SYT16: variants seen among roughly 807,000 people sequenced by gnomAD.
SYT16 encodes the protein synaptotagmin 16, also known as synaptotagmin-16.
Under a neutral mutation model 61.4 loss-of-function variants are expected in SYT16, and 42 were observed. That is an observed-to-expected ratio of 0.68 (90% CI 0.53 to 0.89). The LOEUF (loss-of-function observed/expected upper bound fraction) is 0.89. Ranked by LOEUF, SYT16 falls within the 40% of genes least tolerant of loss-of-function variation. The pLI is 0.00. For missense variants in SYT16, 804 were observed against 807.3 expected, an observed-to-expected ratio of 1.00 and a Z score of 0.05; for synonymous variants, 314 against 302.3, an observed-to-expected ratio of 1.04 and a Z score of -0.40.
chr14:61,878,564 A>G (rs2047585489), intron 1 of SYT16, among the ~76,000 whole-genome samples: 2 of 152,208 alleles, frequency 1.3e-5, no homozygotes, highest in Admixed American at 6.5e-5. Flanking sequence ...CATCTCTCAC[A>G]CTGGCTTGCC....
At chr14:62,075,473 A>C in intron 5 of SYT16, 82 bp downstream of exon 5, 10 of 1,396,006 alleles carry the variant, frequency 7.2e-6, no homozygotes, top group Non-Finnish European at 8.5e-6. Context: ...CTCTCTAAAA[A>C]AAAAAAAAAA....
intron 1 of SYT16, among the ~76,000 whole-genome samples, chr14:61,885,615 C>G (rs1297022965): frequency 6.6e-6 from 1 of 152,142 alleles, no homozygotes; most frequent in Non-Finnish European, 1.5e-5. Flanking sequence ...GAATGTCTTA[C>G]TTGATAGATA....
intron 3 of SYT16, among the ~76,000 whole-genome samples, chr14:62,053,756 A>G (rs541850203): frequency 5.3e-5 from 8 of 152,358 alleles, no homozygotes; most frequent in East Asian, 3.9e-4. Context: ...TAAGAAAATA[A>G]TAGAAGGTAA....
At chr14:62,011,618 G>C (rs1471621025) in intron 3 of SYT16, among the ~76,000 whole-genome samples, 1 of 152,002 alleles carries the variant, frequency 6.6e-6, no homozygotes, top group East Asian at 1.9e-4. Context: ...GTGATTTACT[G>C]AAGAAAATGA....
chr14:61,824,324 T>C (rs2140222575), intron 1 of SYT16, among the ~76,000 whole-genome samples: 1 of 152,274 alleles, frequency 6.6e-6, no homozygotes. Flanking sequence ...TGCATGGTGA[T>C]GGCTTATATA....
intron 1 of SYT16, among the ~76,000 whole-genome samples, chr14:61,823,213 G>A (rs1430371592): frequency 2.6e-5 from 4 of 151,952 alleles, no homozygotes; most frequent in South Asian, 2.1e-4. Context: ...GGCTGGTCTC[G>A]AACTCCTGAC....
intron 7 of SYT16, among the ~76,000 whole-genome samples, chr14:62,090,060 A>G (rs1027795241): frequency 6.6e-6 from 1 of 152,242 alleles, no homozygotes; most frequent in Non-Finnish European, 1.5e-5. Flanking sequence ...TTATTAAATG[A>G]GGTTAACAAG....
In SYT16 at chr14:62,109,668, A is replaced by C. The variant is rs568197666; in HGVS notation, c.*8961A>C. ...ATTGGAATCTAAACAGAAAGTTCTG[A>C]AGGTTATGAAGACGTGATCCCAAAT... On this transcript the variant is annotated 3_prime_UTR_variant, in exon 8 of 8. Coordinates refer to ENST00000683842, the MANE Select transcript of SYT16 (RefSeq NM_001367656.1). 3.9e-5 allele frequency: 6 copies of C among 152,200 alleles called. 1 individual carries two copies. The South Asian group carries it at 8.3e-4, about 21-fold the overall frequency. The allele number at this position is 152,200 out of a possible 1,614,324, so 9.4% of individuals were successfully genotyped here.
At chr14:62,066,834 A>G (rs1454637584) in intron 3 of SYT16, among the ~76,000 whole-genome samples, 1 of 152,176 alleles carries the variant, frequency 6.6e-6, no homozygotes, top group African/African-American at 2.4e-5. Context: ...CCTCGCCCTC[A>G]TGGTATATGC....
intron 1 of SYT16, among the ~76,000 whole-genome samples, chr14:61,912,800 A>T (rs1256571025): frequency 1.3e-5 from 2 of 152,192 alleles, no homozygotes; most frequent in African/African-American, 4.8e-5. Flanking sequence ...AGCTACAAAG[A>T]TAAAGATGAT....
At chr14:61,990,509 A>C (rs1211007185) in intron 2 of SYT16, among the ~76,000 whole-genome samples, 1 of 152,138 alleles carries the variant, frequency 6.6e-6, no homozygotes, top group East Asian at 1.9e-4. Context: ...TACAATTTTG[A>C]TTTGATGTTT....
chr14:62,004,405 A>G (rs936610306), intron 3 of SYT16, among the ~76,000 whole-genome samples: 1 of 152,112 alleles, frequency 6.6e-6, no homozygotes, highest in African/African-American at 2.4e-5. Context: ...CCCTCCACAC[A>G]TGGGGATTAC....
At chr14:62,011,300 G>A (rs1319760698) in intron 3 of SYT16, among the ~76,000 whole-genome samples, 10 of 151,956 alleles carry the variant, frequency 6.6e-5, no homozygotes, top group Admixed American at 5.3e-4. Flanking sequence ...ATCTGAGCTG[G>A]CTCCATTCTC....
intron 1 of SYT16, among the ~76,000 whole-genome samples, chr14:61,956,452 A>G (rs956725293): frequency 6.6e-6 from 1 of 151,994 alleles, no homozygotes; most frequent in South Asian, 2.1e-4. Context: ...TGTTTAAGTC[A>G]TTAATCCATT....
intron 1 of SYT16, among the ~76,000 whole-genome samples, chr14:61,932,701 C>T (rs889984395): frequency 3.3e-5 from 5 of 152,188 alleles, no homozygotes; most frequent in Admixed American, 2.6e-4. Context: ...TGAAAGGAGA[C>T]TTGACATGGG....
In SYT16 at chr14:62,055,795, G is replaced by C. The variant is rs2055527835; in HGVS notation, c.524-13808G>C. On this transcript the variant is annotated intron_variant, in intron 3 of 7. Transcript: ENST00000683842. ...GTATATATAAAGGGGAGTTTATTAA[G>C]GAGTATAGACTCACATGATCACAAG... Among the ~76,000 whole-genome samples, 3 of 152,184 alleles carry C rather than the reference G, an allele frequency of 2.0e-5. No homozygotes were observed. In the South Asian group the frequency reaches 6.2e-4, roughly 32 times the overall value.
chr14:61,821,002 C>A (rs2045603582), intron 1 of SYT16, among the ~76,000 whole-genome samples: 1 of 152,166 alleles, frequency 6.6e-6, no homozygotes, highest in Admixed American at 6.5e-5. Flanking sequence ...GTCTCTCTTG[C>A]TTCCCAGCTC....
At chr14:62,042,809 C>T (rs2054789693) in intron 3 of SYT16, among the ~76,000 whole-genome samples, 1 of 152,160 alleles carries the variant, frequency 6.6e-6, no homozygotes, top group South Asian at 2.1e-4. Context: ...TTAGGGAAAC[C>T]ACCCCAGCCT....
intron 1 of SYT16, among the ~76,000 whole-genome samples, chr14:61,838,853 A>G (rs1040299718): frequency 2.0e-5 from 3 of 152,214 alleles, no homozygotes; most frequent in African/African-American, 4.8e-5. Context: ...ATGAATCATC[A>G]TGCCCCATTG....
Sources: gnomAD v4.1 joint callset for allele counts (sites outside exome capture counted in the v4.1 genomes callset) on GRCh38, gnomAD v4.1.1 for gene constraint, MANE v1.5 for transcripts, NCBI Gene and HGNC (gene_info 2026-07-23, HGNC 2026-07-21) for gene names.